Variants in PCDH15 observed in about 807,000 individuals in gnomAD.
The protein encoded by PCDH15 is protocadherin related 15.
A neutral mutation model predicts 178.5 loss-of-function variants in PCDH15; 129 were observed. The ratio of observed to expected loss-of-function variants is 0.72; its 90% CI spans 0.63 to 0.84. The LOEUF (loss-of-function observed/expected upper bound fraction) is 0.84, where lower values mean the gene tolerates loss of function less well. Ranked by LOEUF, PCDH15 falls within the 40% of genes least tolerant of loss-of-function variation. The pLI is 0.00. For synonymous variants in PCDH15, 800 were observed against 732.0 expected (o/e 1.09, Z -1.50); for missense variants, 2,230 against 2,099.9 (o/e 1.06, Z -1.21).
chr10:54,877,645 T>A (rs1258580573), intron 3 of PCDH15, among the ~76,000 whole-genome samples: 4 of 152,116 alleles, frequency 2.6e-5, no homozygotes, highest in African/African-American at 7.2e-5. Flanking sequence ...CAAACTAGTT[T>A]GAGTAAAATA....
chr10:54,772,471 A>G (rs1949201435), intron 1 of PCDH15, among the ~76,000 whole-genome samples: 1 of 152,128 alleles, frequency 6.6e-6, no homozygotes, highest in African/African-American at 2.4e-5. Flanking sequence ...CAGAAGCTCC[A>G]CTCAAAAGAA....
At chr10:54,157,416 C>G (rs1052036680) in intron 13 of PCDH15, among the ~76,000 whole-genome samples, 2 of 152,198 alleles carry the variant, frequency 1.3e-5, no homozygotes, top group African/African-American at 4.8e-5. Flanking sequence ...GAAGCCACAG[C>G]CTGAGCTCTA....
At chr10:54,550,238 T>C (rs1394281161) in intron 2 of PCDH15, among the ~76,000 whole-genome samples, 4 of 152,156 alleles carry the variant, frequency 2.6e-5, no homozygotes, top group Admixed American at 2.6e-4. Context: ...GGGAGTAGTT[T>C]TCTGAAATTC....
intron 34 of PCDH15, among the ~76,000 whole-genome samples, chr10:53,816,832 T>G (rs766983634): frequency 4.3e-4 from 66 of 152,352 alleles, no homozygotes; most frequent in Non-Finnish European, 7.5e-4. Flanking sequence ...AAGTGTGTTT[T>G]CAGAATGATT....
intron 2 of PCDH15, among the ~76,000 whole-genome samples, chr10:54,626,647 G>A (rs1337771814): frequency 6.6e-6 from 1 of 152,174 alleles, no homozygotes. Flanking sequence ...GAAGTTTGCT[G>A]CAGGGGCCTG....
At chr10:55,355,117 T>C (rs1439989381) in intron 2 of PCDH15, among the ~76,000 whole-genome samples, 1 of 152,058 alleles carries the variant, frequency 6.6e-6, no homozygotes, top group Non-Finnish European at 1.5e-5. Flanking sequence ...AGTATTCCAA[T>C]GCATGGAGGT....
chr10:55,016,098 TA>T (rs199893494), intron 2 of PCDH15, among the ~76,000 whole-genome samples: 17,899 of 114,990 alleles, frequency 0.16, 1,691 homozygotes, highest in African/African-American at 0.3. Flanking sequence ...CTTTTTTTTT[TA>T]AAAAAAAAAA....
At chr10:53,994,293 G>A (rs1392786354) in intron 21 of PCDH15, among the ~76,000 whole-genome samples, 6 of 152,034 alleles carry the variant, frequency 3.9e-5, no homozygotes, top group African/African-American at 1.2e-4. Flanking sequence ...CATCATTAAC[G>A]CCATTAAACT....
intron 21 of PCDH15, among the ~76,000 whole-genome samples, chr10:53,992,209 C>T (rs1345520212): frequency 1.3e-5 from 2 of 152,136 alleles, no homozygotes; most frequent in East Asian, 3.9e-4. Flanking sequence ...TCTGCAGTTT[C>T]ACTGTTGAAG....
chr10:54,247,846 T>A (rs1342656691), intron 8 of PCDH15, among the ~76,000 whole-genome samples: 1 of 148,762 alleles, frequency 6.7e-6, no homozygotes, highest in Non-Finnish European at 1.5e-5. Context: ...CCAGCCTGGG[T>A]GACAGAGCAA....
intron 2 of PCDH15, among the ~76,000 whole-genome samples, chr10:54,579,992 A>T (rs557288498): frequency 6.6e-6 from 1 of 152,266 alleles, no homozygotes; most frequent in African/African-American, 2.4e-5. Flanking sequence ...GAACATTTAC[A>T]GCACTAAGTG....
At chr10:55,612,857 C>T (rs1206334034) in intron 2 of PCDH15, among the ~76,000 whole-genome samples, 1 of 152,056 alleles carries the variant, frequency 6.6e-6, no homozygotes, top group Non-Finnish European at 1.5e-5. Flanking sequence ...ATGGTTCCCA[C>T]ATCATTTCAT....
intron 2 of PCDH15, among the ~76,000 whole-genome samples, chr10:55,462,455 C>G (rs1839699988): frequency 6.6e-6 from 1 of 152,018 alleles, no homozygotes. Flanking sequence ...TTTTTCTGGC[C>G]AGGAAATTTT....
At position 55,345,686 on chromosome 10, in the gene PCDH15, T is replaced by A. The variant is rs547237259; in HGVS notation, c.-155-179035A>T. 9.2e-5 allele frequency among the ~76,000 whole-genome samples: 14 copies of A among 152,246 alleles called. No homozygotes were observed. The South Asian group carries it at 2.9e-3, about 32-fold the overall frequency. Reference sequence around the variant, plus strand: ...TTTTCTTGTGTTGTGTGATACTTTTTACTCTTGTTTTGAAGATCTTCATGT... The same window carrying A: ...TTTTCTTGTGTTGTGTGATACTTTTAACTCTTGTTTTGAAGATCTTCATGT... On this transcript the variant is annotated intron_variant, in intron 2 of 5. Coordinates refer to the PCDH15 transcript ENST00000613346.
intron 2 of PCDH15, among the ~76,000 whole-genome samples, chr10:55,351,254 T>C (rs1352141992): frequency 6.6e-6 from 1 of 151,838 alleles, no homozygotes; most frequent in African/African-American, 2.4e-5. Flanking sequence ...CCTCCCTTTA[T>C]GCGTGACTCA....
chr10:55,172,257 T>C (rs780712781), intron 1 of PCDH15, among the ~76,000 whole-genome samples: 2 of 152,014 alleles, frequency 1.3e-5, no homozygotes, highest in Non-Finnish European at 2.9e-5. Context: ...TCTTACTCAC[T>C]ATAATTATTT....
chr10:54,907,312 T>A (rs1954741814), intron 2 of PCDH15, among the ~76,000 whole-genome samples: 4 of 152,228 alleles, frequency 2.6e-5, no homozygotes, highest in Admixed American at 2.0e-4. Flanking sequence ...TAATTATGCA[T>A]GTATTTCTTC....
At chr10:55,139,533 A>G (rs1471822211) in intron 2 of PCDH15, among the ~76,000 whole-genome samples, 1 of 152,052 alleles carries the variant, frequency 6.6e-6, no homozygotes, top group Admixed American at 6.6e-5. Context: ...TTTCCACACC[A>G]TTTGTTGAAA....
At chr10:55,351,937 C>T (rs1284135399) in intron 2 of PCDH15, among the ~76,000 whole-genome samples, 1 of 152,054 alleles carries the variant, frequency 6.6e-6, no homozygotes, top group Non-Finnish European at 1.5e-5. Context: ...TACAATAATA[C>T]TAATAAATTT....
Sources: gnomAD v4.1 joint callset for allele counts (sites outside exome capture counted in the v4.1 genomes callset) on GRCh38, gnomAD v4.1.1 for gene constraint, MANE v1.5 for transcripts, NCBI Gene and HGNC (gene_info 2026-07-23, HGNC 2026-07-21) for gene names.